LOC400499: variants seen among roughly 807,000 people sequenced by gnomAD.
the LOC400499 span, among the ~76,000 whole-genome samples, chr16:11,378,429 AAATTTTAT>A: frequency 1.3e-5 from 2 of 152,102 alleles, no homozygotes; most frequent in East Asian, 3.9e-4. Flanking sequence ...ACGCCTGGCT[AAATTTTAT>A]AATTTTAGTA....
chr16:11,421,781 T>A, the LOC400499 span, among the ~76,000 whole-genome samples: 1 of 152,012 alleles, frequency 6.6e-6, no homozygotes, highest in Non-Finnish European at 1.5e-5. Flanking sequence ...GAGGAGGGGA[T>A]GGGAGGGACT....
At chr16:11,435,873 C>T in the LOC400499 span, 1 of 399,222 alleles carries the variant, frequency 2.5e-6, no homozygotes, top group Non-Finnish European at 4.4e-6. Flanking sequence ...CCGGCAGCTG[C>T]CTGCACCTGC....
At chr16:11,413,107 A>C in the LOC400499 span, among the ~76,000 whole-genome samples, 1 of 152,144 alleles carries the variant, frequency 6.6e-6, no homozygotes, top group East Asian at 1.9e-4. Context: ...ACAGGTGCTG[A>C]GGATACAGGG....
At chr16:11,507,313 G>A in the LOC400499 span, among the ~76,000 whole-genome samples, 1 of 152,178 alleles carries the variant, frequency 6.6e-6, no homozygotes, top group Non-Finnish European at 1.5e-5. Flanking sequence ...TATCCAGTGA[G>A]GAGAGGCCAG....
chr16:11,450,597 AG>A, the LOC400499 span: 1 of 1,535,576 alleles, frequency 6.5e-7, no homozygotes, highest in South Asian at 1.2e-5. Context: ...TCGGGGGCCG[AG>A]CACTGCTCAC....
the LOC400499 span, chr16:11,399,629 C>T: frequency 2.5e-6 from 1 of 398,720 alleles, no homozygotes; most frequent in Non-Finnish European, 4.4e-6. Context: ...GGGTACATGA[C>T]CTGGGGGGCC....
the LOC400499 span, among the ~76,000 whole-genome samples, chr16:11,395,549 G>A: frequency 9.9e-5 from 15 of 152,204 alleles, no homozygotes; most frequent in Non-Finnish European, 2.1e-4. Flanking sequence ...AATGGCCACG[G>A]CTGCTGAACT....
At chr16:11,414,467 T>C in the LOC400499 span, 1 of 400,216 alleles carries the variant, frequency 2.5e-6, no homozygotes, top group Non-Finnish European at 4.4e-6. Context: ...CTGACTCCAC[T>C]GTCCCCACCA....
the LOC400499 span, among the ~76,000 whole-genome samples, chr16:11,448,233 G>A: frequency 6.6e-6 from 1 of 152,262 alleles, no homozygotes; most frequent in Non-Finnish European, 1.5e-5. Flanking sequence ...CCTCCACCCT[G>A]ATCAGACCAC....
the LOC400499 span, among the ~76,000 whole-genome samples, chr16:11,426,359 C>A: frequency 6.6e-6 from 1 of 151,940 alleles, no homozygotes; most frequent in African/African-American, 2.4e-5. Context: ...TCGCTTGAAA[C>A]TGGGAGGTGG....
chr16:11,490,967 G>T, the LOC400499 span, among the ~76,000 whole-genome samples: 1 of 152,192 alleles, frequency 6.6e-6, no homozygotes, highest in Non-Finnish European at 1.5e-5. Flanking sequence ...AATAATAGCA[G>T]TAGTGATAAC....
the LOC400499 span, among the ~76,000 whole-genome samples, chr16:11,517,493 G>A: frequency 1.3e-5 from 2 of 152,190 alleles, no homozygotes; most frequent in African/African-American, 4.8e-5. Context: ...TCTGGATGAG[G>A]AAACAGGCTC....
chr16:11,396,888 C>G, the LOC400499 span, among the ~76,000 whole-genome samples: 1 of 152,200 alleles, frequency 6.6e-6, no homozygotes, highest in African/African-American at 2.4e-5. Context: ...TTGTCCCAAC[C>G]TCACTTCCCT....
chr16:11,412,852 GT>G, the LOC400499 span: 3 of 399,082 alleles, frequency 7.5e-6, no homozygotes, highest in Admixed American at 1.3e-4. Flanking sequence ...TGACTGCCTG[GT>G]TCTGGCCACG....
the LOC400499 span, among the ~76,000 whole-genome samples, chr16:11,526,360 G>A: frequency 6.6e-6 from 1 of 152,004 alleles, no homozygotes; most frequent in Non-Finnish European, 1.5e-5. Context: ...GACCAGCCTG[G>A]GCAACATGGT....
At chr16:11,487,764 A>C in the LOC400499 span, among the ~76,000 whole-genome samples, 2 of 152,206 alleles carry the variant, frequency 1.3e-5, no homozygotes, top group African/African-American at 4.8e-5. Flanking sequence ...ACACAGGAAA[A>C]AACACTTCTC....
At chr16:11,461,994 C>G in the LOC400499 span, 1 of 910,652 alleles carries the variant, frequency 1.1e-6, no homozygotes. Flanking sequence ...CTTGGATCTG[C>G]CCTTGGATGG....
chr16:11,373,102 C>G, the LOC400499 span, among the ~76,000 whole-genome samples: 2 of 152,188 alleles, frequency 1.3e-5, no homozygotes, highest in Admixed American at 1.3e-4. Flanking sequence ...CCTTAGCACA[C>G]GATGCTTTGA....
At chr16:11,498,340 G>T in the LOC400499 span, among the ~76,000 whole-genome samples, 1 of 152,000 alleles carries the variant, frequency 6.6e-6, no homozygotes, top group African/African-American at 2.4e-5. Context: ...AAAATTAGCC[G>T]GGCCTGGTGG....
Sources: gnomAD v4.1 joint callset for allele counts (sites outside exome capture counted in the v4.1 genomes callset) on GRCh38, gnomAD v4.1.1 for gene constraint, MANE v1.5 for transcripts.